Variants in CARTPT observed in about 807,000 individuals in gnomAD.
The protein encoded by CARTPT is cocaine- and amphetamine-regulated transcript protein.
Under a neutral mutation model 12.2 loss-of-function variants are expected in CARTPT, and 6 were observed. The ratio of observed to expected loss-of-function variants is 0.49; its 90% CI spans 0.27 to 0.97. The LOEUF (loss-of-function observed/expected upper bound fraction) is 0.97. Among genes scored for constraint, CARTPT ranks in the 50% least tolerant of loss-of-function variants. The pLI is 0.12. For synonymous variants in CARTPT, 75 were observed against 64.1 expected (o/e 1.17, Z -0.82); for missense variants, 135 against 142.0 (o/e 0.95, Z 0.25).
At chr5:71,719,534 C>CA (rs1280077392) in intron 1 of CARTPT, 82 bp downstream of exon 1, 7 of 1,523,700 alleles carry the variant, frequency 4.6e-6, no homozygotes, top group Non-Finnish European at 6.3e-6. Flanking sequence ...CCCCCACCCC[C>CA]ACTCCTATTC....
intron 1 of CARTPT, 120 bp downstream of exon 1, chr5:71,719,572 G>C (rs904402495): frequency 4.9e-6 from 6 of 1,236,596 alleles, no homozygotes; most frequent in African/African-American, 1.5e-5. Flanking sequence ...GGAGCTGAGC[G>C]CAACGCCCAG....
chr5:71,720,956 G>T lies in CARTPT; in HGVS notation c.*341G>T. ...AAATTAGATCTAGCTAATCTCGGTA[G>T]ATGTCATTACAACCTGGAAAATAAA... is the stretch of plus-strand genomic sequence containing the variant. On this transcript the variant is annotated 3_prime_UTR_variant, in exon 3 of 3. Coordinates refer to ENST00000296777, the MANE Select transcript of CARTPT (RefSeq NM_004291.4). 1 of 317,912 alleles carries T rather than the reference G, an allele frequency of 3.1e-6. No individual in the cohort carries two copies. Among genetic ancestry groups the T allele is most frequent in the Admixed American group, 4.4e-5 (1 of 22,572 alleles). The allele number at this position is 317,912 out of a possible 1,614,324, so 19.7% of individuals were successfully genotyped here.
At chr5:71,720,231 G>A (rs931854207) in intron 2 of CARTPT, among the ~76,000 whole-genome samples, 25 of 152,148 alleles carry the variant, frequency 1.6e-4, no homozygotes, top group Non-Finnish European at 2.8e-4. Flanking sequence ...GCCAGGAAAT[G>A]TGATGCTCCC....
intron 1 of CARTPT, 197 bp downstream of exon 1, chr5:71,719,649 T>A: frequency 1.3e-6 from 1 of 765,408 alleles, no homozygotes; most frequent in Non-Finnish European, 2.2e-6. Flanking sequence ...AGCGAATCCC[T>A]CATCCCGGCC....
At chr5:71,719,473 C>G (rs1222436757) in intron 1 of CARTPT, 21 bp downstream of exon 1, 2 of 1,613,718 alleles carry the variant, frequency 1.2e-6, no homozygotes, top group African/African-American at 1.3e-5. Flanking sequence ...CCCTCGCTCT[C>G]GACCCCCTTG....
In CARTPT at chr5:71,719,933, C is replaced by T; in HGVS notation, c.213C>T (p.Ile71=). 1 of 1,614,210 alleles carries T rather than the reference C, an allele frequency of 6.2e-7. No individual in the cohort carries two copies. ...LKKLKSKRVP[I]YEKKYGQVPM... is the part of the protein sequence containing the mutation. ...AGCTCAAGAGTAAACGTGTTCCCAT[C>T]TATGAGAAGAAGTATGGCCAAGTCC... The change falls in exon 2 of 3, where the codon ATC becomes ATT. Residue 71 remains isoleucine, a synonymous_variant. Coordinates refer to ENST00000296777, the MANE Select transcript of CARTPT (RefSeq NM_004291.4).
At position 71,720,696 on chromosome 5, in the gene CARTPT, T is replaced by G; in HGVS notation, c.*81T>G. The G allele has an allele frequency of 9.0e-7, 1 of 1,107,646 alleles. No individual in the cohort carries two copies. The highest frequency in any genetic ancestry group is 1.3e-6 in the Non-Finnish European group (1 of 741,164). The allele number at this position is 1,107,646 out of a possible 1,614,324, so 68.6% of individuals were successfully genotyped here. On this transcript the variant is annotated 3_prime_UTR_variant, in exon 3 of 3. Transcript: ENST00000296777. ...ACACCTTCCTCCCTGGAGTTTGGCTTAAGCAACAGATAAAGTTTTTATTTT... is the reference window on the plus strand; with the variant it reads ...ACACCTTCCTCCCTGGAGTTTGGCTGAAGCAACAGATAAAGTTTTTATTTT...
chr5:71,719,587 C>A (rs752189130), intron 1 of CARTPT, 135 bp downstream of exon 1: 7 of 1,039,828 alleles, frequency 6.7e-6, no homozygotes, highest in East Asian at 5.2e-5. Flanking sequence ...GCCCAGGCAC[C>A]CACTGCCATC....
chr5:71,720,295 A>T (rs1398724277), intron 2 of CARTPT, among the ~76,000 whole-genome samples: 1 of 152,132 alleles, frequency 6.6e-6, no homozygotes, highest in East Asian at 1.9e-4. Context: ...CTAGGATAAA[A>T]CTAATAATGT....
rs1748673227 is a variant in CARTPT at position 71,719,953 on chromosome 5, A to G, written c.233A>G (p.Gln78Arg). ...CCCATCTATGAGAAGAAGTATGGCC[A>G]AGTCCCCATGGTAAGGTTTGTGGTC... ...RVPIYEKKYG[Q>R]VPMCDAGEQC... Residue 78 changes from glutamine to arginine, a missense_variant, in exon 2 of 3, where the codon CAA (glutamine) becomes CGA (arginine). By Grantham distance (43) the Gln-to-Arg change is conservative. Coordinates refer to ENST00000296777, the MANE Select transcript of CARTPT (RefSeq NM_004291.4). 6.2e-7 allele frequency: 1 copy of G among 1,614,082 alleles called. No individual in the cohort carries two copies. Among genetic ancestry groups the G allele is most frequent in the Non-Finnish European group, 8.5e-7 (1 of 1,179,934 alleles).
rs1325108976 is a variant in CARTPT at position 71,719,380 on chromosome 5, G to A, written c.87G>A (p.Glu29=). 5 of 1,614,008 alleles carry A rather than the reference G, an allele frequency of 3.1e-6. No individual in the cohort carries two copies. The highest frequency in any genetic ancestry group is 4.2e-6 in the Non-Finnish European group (5 of 1,180,030). The change falls in exon 1 of 3, where the codon GAG becomes GAA. Residue 29 remains glutamate, a synonymous_variant. Coordinates refer to ENST00000296777, the MANE Select transcript of CARTPT (RefSeq NM_004291.4). The part of the protein sequence containing the change: ...MLPLLGTRAQ[E]DAELQPRALD... ...CTCTGTTGGGTACCCGTGCCCAGGA[G>A]GACGCCGAGCTCCAGCCCCGAGCCC...
At chr5:71,719,630 A>G in intron 1 of CARTPT, 178 bp downstream of exon 1, 1 of 816,082 alleles carries the variant, frequency 1.2e-6, no homozygotes, top group Non-Finnish European at 2.0e-6. Context: ...GGCTCCTGGC[A>G]GTCTGTTGAG....
intron 1 of CARTPT, 174 bp downstream of exon 1, chr5:71,719,626 TG>T: frequency 1.2e-6 from 1 of 830,058 alleles, no homozygotes; most frequent in Non-Finnish European, 1.9e-6. Flanking sequence ...CACGGGCTCC[TG>T]GCAGTCTGTT....
Position 71,720,658 on chromosome 5 carries a change from TC to T in CARTPT, c.*47del. The T allele has an allele frequency of 6.9e-7, 1 of 1,456,296 alleles. No homozygotes were observed. Among genetic ancestry groups the T allele is most frequent in the East Asian group, 2.4e-5 (1 of 42,276 alleles). The allele number at this position is 1,456,296 out of a possible 1,614,324, so 90.2% of individuals were successfully genotyped here. A position where few individuals can be genotyped will look rare whatever the true frequency, so the allele number is the denominator to read the frequency against. The stretch of plus-strand genomic sequence containing the variant: ...TCCATACATCCCCATCCCTCTACTT[TC>T]CCCAGAGGACCACACCTTCCTCCCT... On this transcript the variant is annotated 3_prime_UTR_variant, in exon 3 of 3. Transcript: ENST00000296777.
At chr5:71,719,512 G>T in intron 1 of CARTPT, 60 bp downstream of exon 1, 1 of 1,587,740 alleles carries the variant, frequency 6.3e-7, no homozygotes, top group Admixed American at 1.7e-5. Context: ...TCTCTTGCAC[G>T]CCTCCCTCCT....
At position 71,720,620 on chromosome 5, in the gene CARTPT, G is replaced by T. The variant is rs367615339; in HGVS notation, c.*5G>T. ...TTCCTCCTGAAGTGCTTATGAAGGG[G>T]CGTCCATTCTCCTCCATACATCCCC... On this transcript the variant is annotated 3_prime_UTR_variant, in exon 3 of 3. Transcript: ENST00000296777. The T allele has an allele frequency of 6.3e-7, 1 of 1,595,618 alleles. No individual in the cohort carries two copies. The highest frequency in any genetic ancestry group is 8.6e-7 in the Non-Finnish European group (1 of 1,169,352).
In CARTPT at chr5:71,719,324, C is replaced by A. The variant is rs142927190; in HGVS notation, c.31C>A (p.Leu11Ile). Reference protein sequence around the residue: MESSRVRLLPLLGAALLLMLP... With the variant: MESSRVRLLPILGAALLLMLP... ...GAGCTCCCGCGTGAGGCTGCTGCCC[C>A]TCCTGGGCGCCGCCCTGCTGCTGAT... The change falls in exon 1 of 3, where the codon CTC (leucine) becomes ATC (isoleucine). Residue 11 changes from leucine (L) to isoleucine (I), a missense_variant. Transcript: ENST00000296777. 1.0e-4 allele frequency: 169 copies of A among 1,613,522 alleles called. 1 individual carries two copies. The highest frequency in any genetic ancestry group is 1.0e-3 in the Middle Eastern group (6 of 6,020).
chr5:71,720,696 T>A lies in CARTPT; in HGVS notation c.*81T>A. On this transcript the variant is annotated 3_prime_UTR_variant, in exon 3 of 3. Transcript: ENST00000296777. ...ACACCTTCCTCCCTGGAGTTTGGCT[T>A]AAGCAACAGATAAAGTTTTTATTTT... The A allele has an allele frequency of 9.0e-7, 1 of 1,107,636 alleles. No individual in the cohort carries two copies. Among genetic ancestry groups the A allele is most frequent in the Non-Finnish European group, 1.3e-6 (1 of 741,154 alleles). The allele number at this position is 1,107,636 out of a possible 1,614,324, so 68.6% of individuals were successfully genotyped here.
chr5:71,720,427 G>GA (rs1748684411), intron 2 of CARTPT, 81 bp from the exon 3 acceptor site: 2 of 1,262,746 alleles, frequency 1.6e-6, no homozygotes, highest in African/African-American at 1.5e-5. Context: ...TCAAGAGACA[G>GA]AAATTGCGTT....
Sources: allele counts gnomAD v4.1 joint callset (sites outside exome capture counted in the v4.1 genomes callset), GRCh38; gene constraint gnomAD v4.1.1; transcripts MANE v1.5; gene names NCBI Gene and HGNC (gene_info 2026-07-23, HGNC 2026-07-21).